The following CMTM8 variants were observed in gnomAD, a reference collection of about 807,000 sequenced individuals.
CMTM8 encodes CKLF like MARVEL transmembrane domain containing 8.
CMTM8 carries 12 observed loss-of-function variants against 18.6 expected under a neutral mutation model. The ratio of observed to expected loss-of-function variants is 0.65; its 90% CI spans 0.41 to 1.05. The LOEUF (loss-of-function observed/expected upper bound fraction) is 1.05. Among genes scored for constraint, CMTM8 ranks in the 50% least tolerant of loss-of-function variants. The pLI is 0.00. For missense variants in CMTM8, 217 were observed against 227.2 expected, an observed-to-expected ratio of 0.95 and a Z score of 0.29; for synonymous variants, 87 against 90.6, an observed-to-expected ratio of 0.96 and a Z score of 0.23.
intron 1 of CMTM8, among the ~76,000 whole-genome samples, chr3:32,315,421 C>G (rs953697543): frequency 6.6e-6 from 1 of 152,186 alleles, no homozygotes; most frequent in African/African-American, 2.4e-5. Flanking sequence ...TGAGCTACCA[C>G]GCCCAGCCCT....
At chr3:32,259,151 C>T (rs1254495812) in intron 1 of CMTM8, 16 of 421,288 alleles carry the variant, frequency 3.8e-5, no homozygotes, top group African/African-American at 1.2e-4. Context: ...GCCGCAGGGA[C>T]GGCCAGGGGT....
rs188204902 is a variant in CMTM8 at position 32,334,477 on chromosome 3, G to A, written c.148-22896G>A. On this transcript the variant is annotated intron_variant, in intron 1 of 3. Transcript: ENST00000307526. Reference sequence around the variant, plus strand: ...AAAAATTAGCTGGGCGTGGTGGTGGGCGCCTGTAGTCCCAGACACTCGGGA... The same window carrying A: ...AAAAATTAGCTGGGCGTGGTGGTGGACGCCTGTAGTCCCAGACACTCGGGA... 2.6e-5 allele frequency among the ~76,000 whole-genome samples: 4 copies of A among 151,734 alleles called. No individual in the cohort carries two copies. The East Asian group carries it at 8.0e-4, about 30-fold the overall frequency.
At chr3:32,288,730 G>A (rs1040553146) in intron 1 of CMTM8, among the ~76,000 whole-genome samples, 2 of 152,168 alleles carry the variant, frequency 1.3e-5, no homozygotes, top group Non-Finnish European at 2.9e-5. Flanking sequence ...TCGATCTCCT[G>A]ACCTCGTGAT....
intron 1 of CMTM8, among the ~76,000 whole-genome samples, chr3:32,349,464 A>G (rs997568539): frequency 2.0e-5 from 3 of 152,134 alleles, no homozygotes; most frequent in Admixed American, 6.6e-5. Flanking sequence ...TGTTTCCACT[A>G]TAATGTTCAG....
intron 1 of CMTM8, among the ~76,000 whole-genome samples, chr3:32,347,636 A>G (rs1160135468): frequency 6.6e-6 from 1 of 152,158 alleles, no homozygotes; most frequent in African/African-American, 2.4e-5. Flanking sequence ...CACAAGGCCA[A>G]TCACGTCACA....
Position 32,259,281 on chromosome 3 carries a change from C to A in CMTM8, c.147+20162C>A. The A allele has an allele frequency of 6.1e-6, 4 of 654,052 alleles. 1 individual carries two copies. Among genetic ancestry groups the A allele is most frequent in the South Asian group, 5.8e-5 (4 of 69,228 alleles). 40.5% of individuals were successfully genotyped at this position (654,052 alleles called of 1,614,324 possible). On this transcript the variant is annotated intron_variant, in intron 1 of 3. Coordinates refer to ENST00000307526, the MANE Select transcript of CMTM8 (RefSeq NM_178868.5). ...AGACCGTGAACTGGAGGCTGGAGAG[C>A]AAAATCCCCTGAAGGGACCCCAGGT... is the stretch of plus-strand genomic sequence containing the variant.
Position 32,238,863 on chromosome 3 carries a change from G to T in CMTM8, c.-110G>T. 1 of 1,042,408 alleles carries T rather than the reference G, an allele frequency of 9.6e-7. No individual in the cohort carries two copies. The highest frequency in any genetic ancestry group is 3.4e-5 in the South Asian group (1 of 29,126). 64.6% of individuals were successfully genotyped at this position (1,042,408 alleles called of 1,614,324 possible). A position where few individuals can be genotyped will look rare whatever the true frequency, so the allele number is the denominator to read the frequency against. ...CCCCCTCGCACCTCCTGCCCCGCGC[G>T]GGCCGCGCTCCCCTCCCCCGCGCCT... On this transcript the variant is annotated 5_prime_UTR_variant, in exon 1 of 4. Coordinates refer to ENST00000307526, the MANE Select transcript of CMTM8 (RefSeq NM_178868.5).
chr3:32,348,734 C>G (rs987325978), intron 1 of CMTM8, among the ~76,000 whole-genome samples: 7 of 151,922 alleles, frequency 4.6e-5, no homozygotes, highest in Non-Finnish European at 8.8e-5. Flanking sequence ...CTCCTGGGCT[C>G]AAGCAGTCCA....
intron 1 of CMTM8, among the ~76,000 whole-genome samples, chr3:32,275,685 T>G (rs1254123158): frequency 7.4e-6 from 1 of 135,092 alleles, no homozygotes; most frequent in Non-Finnish European, 1.5e-5. Context: ...AGTCTTGCTG[T>G]GTCACCCAGG....
At chr3:32,297,243 A>G (rs1054927670) in intron 1 of CMTM8, among the ~76,000 whole-genome samples, 1 of 152,056 alleles carries the variant, frequency 6.6e-6, no homozygotes, top group African/African-American at 2.4e-5. Flanking sequence ...CAGTGGTACA[A>G]TCTCGGCTCA....
chr3:32,276,022 G>A (rs761173185), intron 1 of CMTM8, among the ~76,000 whole-genome samples: 32 of 152,050 alleles, frequency 2.1e-4, no homozygotes, highest in Non-Finnish European at 4.0e-4. Flanking sequence ...TTTATCCTTT[G>A]CTGTCATCCA....
chr3:32,245,918 C>T (rs1702009463), intron 1 of CMTM8, among the ~76,000 whole-genome samples: 1 of 152,092 alleles, frequency 6.6e-6, no homozygotes, highest in African/African-American at 2.4e-5. Context: ...CAGGTTCAAG[C>T]AATGCTCATG....
intron 1 of CMTM8, among the ~76,000 whole-genome samples, chr3:32,311,383 G>A (rs1472848510): frequency 6.6e-6 from 1 of 152,214 alleles, no homozygotes; most frequent in Non-Finnish European, 1.5e-5. Flanking sequence ...AGACCGTATG[G>A]CTGCAAAGCT....
At chr3:32,308,135 G>A (rs1282273376) in intron 1 of CMTM8, among the ~76,000 whole-genome samples, 1 of 152,086 alleles carries the variant, frequency 6.6e-6, no homozygotes, top group Non-Finnish European at 1.5e-5. Context: ...ATCCTTTCAG[G>A]ATGAAAGAGT....
chr3:32,334,203 C>A (rs1045272396), intron 1 of CMTM8, among the ~76,000 whole-genome samples: 2 of 151,764 alleles, frequency 1.3e-5, no homozygotes, highest in African/African-American at 4.8e-5. Flanking sequence ...GTCTCAAACT[C>A]CTGGCCTCAG....
chr3:32,248,435 C>T (rs1025077711), intron 1 of CMTM8, among the ~76,000 whole-genome samples: 1 of 152,106 alleles, frequency 6.6e-6, no homozygotes, highest in Non-Finnish European at 1.5e-5. Context: ...GATCTTGGCT[C>T]ACTGCAACCT....
Position 32,319,074 on chromosome 3 carries a change from A to ATATATATATATATATATTTTTT in CMTM8, c.148-38298_148-38297insATATATATATATATATTTTTTT. On this transcript the variant is annotated intron_variant, in intron 1 of 3. Coordinates refer to ENST00000307526, the MANE Select transcript of CMTM8 (RefSeq NM_178868.5). ...TGTATATACATATATATATATATAT[A>ATATATATATATATATATTTTTT]TTTTTTTTTTTTTTTTTTTTTGAGA... 1.5e-3 allele frequency among the ~76,000 whole-genome samples: 46 copies of ATATATATATATATATATTTTTT among 31,510 alleles called. 1 individual carries two copies. Among genetic ancestry groups the ATATATATATATATATATTTTTT allele is most frequent in the East Asian group, 4.7e-3 (3 of 644 alleles). The allele number at this position is 31,510 out of a possible 152,430, so 20.7% of individuals were successfully genotyped here. A position where few individuals can be genotyped will look rare whatever the true frequency, so the allele number is the denominator to read the frequency against.
intron 1 of CMTM8, among the ~76,000 whole-genome samples, chr3:32,288,711 A>G (rs543468599): frequency 1.8e-4 from 28 of 152,282 alleles, no homozygotes; most frequent in African/African-American, 6.3e-4. Flanking sequence ...CATGTTAGCC[A>G]GGATGTTCTC....
At position 32,278,453 on chromosome 3, in the gene CMTM8, T is replaced by C. The variant is rs573467350; in HGVS notation, c.147+39334T>C. 5.3e-4 allele frequency among the ~76,000 whole-genome samples: 80 copies of C among 152,320 alleles called. 1 individual carries two copies. Among genetic ancestry groups the C allele is most frequent in the African/African-American group, 1.9e-3 (80 of 41,570 alleles). On this transcript the variant is annotated intron_variant, in intron 1 of 3. Transcript: ENST00000307526. ...ATTGAGGTCAAGAGTCATTGTCATTTATTTTCTTGTAACTGATGTGTTTCA... is the reference window on the plus strand; with the variant it reads ...ATTGAGGTCAAGAGTCATTGTCATTCATTTTCTTGTAACTGATGTGTTTCA...
Sources: allele counts gnomAD v4.1 joint callset (sites outside exome capture counted in the v4.1 genomes callset), GRCh38; gene constraint gnomAD v4.1.1; transcripts MANE v1.5; gene names NCBI Gene and HGNC (gene_info 2026-07-23, HGNC 2026-07-21).